Variants in PGCKA1 observed in about 807,000 individuals in gnomAD.
The protein encoded by PGCKA1 is PDCD10 and GCKIII kinases associated 1, also known as PDCD10 and GCKIII kinases-associated protein 1.
At chr4:37,503,444 C>T in the PGCKA1 span, among the ~76,000 whole-genome samples, 1 of 152,310 alleles carries the variant, frequency 6.6e-6, no homozygotes, top group East Asian at 1.9e-4. Context: ...CATCTCACCC[C>T]AAGCCAGCAC....
the PGCKA1 span, among the ~76,000 whole-genome samples, chr4:37,562,752 G>A: frequency 6.6e-6 from 1 of 152,140 alleles, no homozygotes; most frequent in Non-Finnish European, 1.5e-5. Context: ...TATTAGTCAT[G>A]TATCTATATA....
the PGCKA1 span, among the ~76,000 whole-genome samples, chr4:37,554,189 A>G: frequency 6.6e-6 from 1 of 152,162 alleles, no homozygotes; most frequent in African/African-American, 2.4e-5. Flanking sequence ...GTGCCTTTGC[A>G]TCTGCTTCAC....
At chr4:37,559,456 AG>A in the PGCKA1 span, among the ~76,000 whole-genome samples, 7 of 105,760 alleles carry the variant, frequency 6.6e-5, no homozygotes, top group African/African-American at 2.2e-4. Flanking sequence ...GGGTGGGGGG[AG>A]GGGGAAGGGA....
the PGCKA1 span, among the ~76,000 whole-genome samples, chr4:37,569,864 T>C: frequency 1.3e-5 from 2 of 152,038 alleles, no homozygotes; most frequent in South Asian, 2.1e-4. Context: ...CACACAAATA[T>C]CCCGTCAAAG....
the PGCKA1 span, among the ~76,000 whole-genome samples, chr4:37,482,464 CT>C: frequency 2.0e-5 from 3 of 152,128 alleles, no homozygotes; most frequent in Non-Finnish European, 4.4e-5. Context: ...GAACTTTGAA[CT>C]TGAAAGAGAT....
the PGCKA1 span, among the ~76,000 whole-genome samples, chr4:37,484,423 C>A: frequency 6.6e-6 from 1 of 152,232 alleles, no homozygotes; most frequent in South Asian, 2.1e-4. Context: ...AATTACCTCC[C>A]ACGGGGTTCC....
chr4:37,503,243 T>C, the PGCKA1 span, among the ~76,000 whole-genome samples: 6 of 152,134 alleles, frequency 3.9e-5, no homozygotes, highest in Admixed American at 6.5e-5. Context: ...CCCAGAGTCA[T>C]TGGAAGCCAG....
At chr4:37,568,631 TGG>T in the PGCKA1 span, among the ~76,000 whole-genome samples, 4 of 152,154 alleles carry the variant, frequency 2.6e-5, no homozygotes, top group Non-Finnish European at 4.4e-5. Context: ...GGGGTGAGTG[TGG>T]ACGTAGGACC....
the PGCKA1 span, among the ~76,000 whole-genome samples, chr4:37,476,028 T>C: frequency 6.6e-6 from 1 of 151,006 alleles, no homozygotes; most frequent in Non-Finnish European, 1.5e-5. Flanking sequence ...TATTATTTTA[T>C]TTTAAAATGC....
the PGCKA1 span, among the ~76,000 whole-genome samples, chr4:37,500,115 A>T: frequency 6.6e-6 from 1 of 151,786 alleles, no homozygotes; most frequent in Non-Finnish European, 1.5e-5. Flanking sequence ...TAGTAGAGAC[A>T]GGGTTTCACT....
At chr4:37,497,098 T>A in the PGCKA1 span, among the ~76,000 whole-genome samples, 2 of 152,090 alleles carry the variant, frequency 1.3e-5, no homozygotes, top group Non-Finnish European at 2.9e-5. Context: ...CACTCTTCCC[T>A]CCAAGTCCCC....
chr4:37,541,624 G>T, the PGCKA1 span, among the ~76,000 whole-genome samples: 3 of 152,102 alleles, frequency 2.0e-5, no homozygotes, highest in Non-Finnish European at 4.4e-5. Flanking sequence ...AGCTTTTCCT[G>T]GTTCATGCAT....
the PGCKA1 span, chr4:37,588,770 G>GAA: frequency 1.9e-6 from 2 of 1,042,710 alleles, no homozygotes; most frequent in Non-Finnish European, 2.9e-6. Context: ...AGTCTCTAGG[G>GAA]AAAAAAAAAG....
chr4:37,475,047 T>C, the PGCKA1 span, among the ~76,000 whole-genome samples: 1 of 152,196 alleles, frequency 6.6e-6, no homozygotes, highest in Non-Finnish European at 1.5e-5. Context: ...GGAAGGTACA[T>C]CAGCAGAATC....
the PGCKA1 span, among the ~76,000 whole-genome samples, chr4:37,500,903 A>G: frequency 6.6e-6 from 1 of 152,192 alleles, no homozygotes; most frequent in Non-Finnish European, 1.5e-5. Flanking sequence ...TTCTTGTTTT[A>G]AAATCTGTTT....
At chr4:37,493,167 A>G in the PGCKA1 span, among the ~76,000 whole-genome samples, 1 of 152,180 alleles carries the variant, frequency 6.6e-6, no homozygotes, top group Non-Finnish European at 1.5e-5. Context: ...AAGATTCAGG[A>G]AGAGGCCAAA....
the PGCKA1 span, among the ~76,000 whole-genome samples, chr4:37,564,482 G>C: frequency 6.7e-6 from 1 of 148,658 alleles, no homozygotes; most frequent in Non-Finnish European, 1.5e-5. Context: ...ACCATGCACT[G>C]ATGCCAGGGG....
At chr4:37,475,101 A>G in the PGCKA1 span, among the ~76,000 whole-genome samples, 1 of 152,192 alleles carries the variant, frequency 6.6e-6, no homozygotes, top group Non-Finnish European at 1.5e-5. Flanking sequence ...GGTTTAGGAA[A>G]AAGCCTTCTC....
chr4:37,487,316 T>C, the PGCKA1 span, among the ~76,000 whole-genome samples: 2 of 152,326 alleles, frequency 1.3e-5, no homozygotes, highest in South Asian at 4.1e-4. Context: ...ACAACTAAAA[T>C]TTTTCATATT....
Sources: allele counts gnomAD v4.1 joint callset (sites outside exome capture counted in the v4.1 genomes callset), GRCh38; gene constraint gnomAD v4.1.1; transcripts MANE v1.5; gene names NCBI Gene and HGNC (gene_info 2026-07-23, HGNC 2026-07-21).